The following ATG5 variants were observed in gnomAD, a reference collection of about 807,000 sequenced individuals.
The protein encoded by ATG5 is autophagy protein 5.
A neutral mutation model predicts 36.5 loss-of-function variants in ATG5; 14 were observed. That is an observed-to-expected ratio of 0.38 (90% CI 0.25 to 0.60). ATG5 has a LOEUF of 0.60. Among genes scored for constraint, ATG5 ranks in the 20% least tolerant of loss-of-function variants. ATG5 has a pLI of 0.60. For missense variants in ATG5, 195 were observed against 326.7 expected, an observed-to-expected ratio of 0.60 and a Z score of 3.11; for synonymous variants, 95 against 101.5, an observed-to-expected ratio of 0.94 and a Z score of 0.38.
chr6:106,202,509 T>G (rs964066968), intron 6 of ATG5: 1 of 155,320 alleles, frequency 6.4e-6, no homozygotes, highest in African/African-American at 2.4e-5. Context: ...TGAAACACAG[T>G]TTTGGGATAA....
intron 6 of ATG5, among the ~76,000 whole-genome samples, chr6:106,245,491 A>G (rs1223097838): frequency 6.6e-6 from 1 of 152,130 alleles, no homozygotes; most frequent in Non-Finnish European, 1.5e-5. Flanking sequence ...TCATTTGTTC[A>G]CTGAGGCAAG....
intron 6 of ATG5, among the ~76,000 whole-genome samples, chr6:106,226,451 G>A (rs1777456921): frequency 6.6e-6 from 1 of 152,132 alleles, no homozygotes; most frequent in Non-Finnish European, 1.5e-5. Flanking sequence ...GGAAAAAGCA[G>A]CAGAAACTGG....
chr6:106,252,993 C>T (rs1215885131), intron 5 of ATG5, among the ~76,000 whole-genome samples: 1 of 152,208 alleles, frequency 6.6e-6, no homozygotes, highest in African/African-American at 2.4e-5. Flanking sequence ...TTATTCAAAT[C>T]AGTACTACAA....
intron 5 of ATG5, among the ~76,000 whole-genome samples, chr6:106,264,711 T>C (rs908285456): frequency 6.6e-6 from 1 of 152,136 alleles, no homozygotes; most frequent in Non-Finnish European, 1.5e-5. Flanking sequence ...AGAAAAGAAT[T>C]TTCAACCCAG....
At chr6:106,203,829 T>C (rs1292514190) in intron 6 of ATG5, among the ~76,000 whole-genome samples, 1 of 152,174 alleles carries the variant, frequency 6.6e-6, no homozygotes, top group African/African-American at 2.4e-5. Flanking sequence ...CTTCAAACAC[T>C]TAGGCATTAG....
At chr6:106,200,509 C>G (rs1288434924) in intron 7 of ATG5, among the ~76,000 whole-genome samples, 2 of 149,738 alleles carry the variant, frequency 1.3e-5, no homozygotes, top group African/African-American at 2.5e-5. Flanking sequence ...GAGTCTCACT[C>G]TGTCACCAAG....
At chr6:106,289,450 A>C (rs995858799) in intron 4 of ATG5, among the ~76,000 whole-genome samples, 4 of 152,176 alleles carry the variant, frequency 2.6e-5, no homozygotes, top group African/African-American at 9.7e-5. Flanking sequence ...GGCCAGGATA[A>C]GAATAAGTAA....
chr6:106,193,247 C>T (rs1257677173), intron 7 of ATG5, among the ~76,000 whole-genome samples: 1 of 152,158 alleles, frequency 6.6e-6, no homozygotes, highest in Non-Finnish European at 1.5e-5. Flanking sequence ...TTAACTTCTT[C>T]CGGATGCATA....
chr6:106,277,993 G>A (rs1582644585), intron 5 of ATG5, among the ~76,000 whole-genome samples: 1 of 152,020 alleles, frequency 6.6e-6, no homozygotes, highest in Admixed American at 6.5e-5. Flanking sequence ...CACTCAGAGT[G>A]GAGTGTGGTG....
At chr6:106,311,508 G>A (rs185515481) in intron 2 of ATG5, among the ~76,000 whole-genome samples, 2 of 152,272 alleles carry the variant, frequency 1.3e-5, no homozygotes, top group East Asian at 3.9e-4. Context: ...CCAAACAGGG[G>A]ACACTGCAAG....
intron 1 of ATG5, among the ~76,000 whole-genome samples, chr6:106,318,231 C>G (rs1770932539): frequency 1.3e-5 from 2 of 152,134 alleles, no homozygotes; most frequent in African/African-American, 4.8e-5. Flanking sequence ...CACCACTTGA[C>G]ATGTTTATTA....
chr6:106,228,004 T>C (rs991179770), intron 6 of ATG5, among the ~76,000 whole-genome samples: 1 of 152,182 alleles, frequency 6.6e-6, no homozygotes, highest in Admixed American at 6.5e-5. Flanking sequence ...CCTAAGCATA[T>C]CGTAAGAACC....
At chr6:106,276,928 A>T (rs1779680352) in intron 5 of ATG5, among the ~76,000 whole-genome samples, 1 of 152,212 alleles carries the variant, frequency 6.6e-6, no homozygotes, top group Admixed American at 6.5e-5. Flanking sequence ...AGTAATAAAA[A>T]TGTGGTACGG....
At chr6:106,264,175 A>G (rs1299011000) in intron 5 of ATG5, among the ~76,000 whole-genome samples, 2 of 152,212 alleles carry the variant, frequency 1.3e-5, no homozygotes, top group Non-Finnish European at 2.9e-5. Context: ...TGAAAAACAC[A>G]GCACAAGAAC....
At chr6:106,257,160 A>C (rs1204825285) in intron 5 of ATG5, among the ~76,000 whole-genome samples, 1 of 152,156 alleles carries the variant, frequency 6.6e-6, no homozygotes, top group Non-Finnish European at 1.5e-5. Flanking sequence ...GTCCCACTGC[A>C]AAGTCTTTAG....
chr6:106,225,939 G>A (rs1390157286), intron 6 of ATG5, among the ~76,000 whole-genome samples: 3 of 152,188 alleles, frequency 2.0e-5, no homozygotes, highest in Non-Finnish European at 4.4e-5. Context: ...GGTCTGAAAA[G>A]TTCTAACATA....
intron 6 of ATG5, among the ~76,000 whole-genome samples, chr6:106,239,852 G>GT (rs1778046874): frequency 6.6e-6 from 1 of 152,184 alleles, no homozygotes; most frequent in Non-Finnish European, 1.5e-5. Flanking sequence ...GAATCACACA[G>GT]TTTCAACAGA....
intron 6 of ATG5, among the ~76,000 whole-genome samples, chr6:106,244,851 C>T (rs1582602177): frequency 6.6e-6 from 1 of 152,160 alleles, no homozygotes; most frequent in South Asian, 2.1e-4. Context: ...GGCAGGATAA[C>T]ATTTATCAAT....
At chr6:106,257,914 A>G (rs1423400646) in intron 5 of ATG5, among the ~76,000 whole-genome samples, 1 of 152,178 alleles carries the variant, frequency 6.6e-6, no homozygotes, top group Non-Finnish European at 1.5e-5. Context: ...AGTGAAATCT[A>G]TCAAACCCCT....
Sources: gnomAD v4.1 joint callset for allele counts (sites outside exome capture counted in the v4.1 genomes callset) on GRCh38, gnomAD v4.1.1 for gene constraint, MANE v1.5 for transcripts, NCBI Gene and HGNC (gene_info 2026-07-23, HGNC 2026-07-21) for gene names.